Variants in OR2T35 observed in about 807,000 individuals in gnomAD.
OR2T35 encodes the protein olfactory receptor family 2 subfamily T member 35 (gene/pseudogene).
For synonymous variants in OR2T35, 18 were observed against 110.2 expected (o/e 0.16, Z 5.24); for missense variants, 47 against 278.8 (o/e 0.17, Z 5.92).
At chr1:248,644,689 TTATG>T (rs1307714748) in intron 1 of OR2T35, among the ~76,000 whole-genome samples, 1 of 132,398 alleles carries the variant, frequency 7.6e-6, no homozygotes, top group Non-Finnish European at 1.6e-5. Context: ...AATAAGGTAC[TTATG>T]AAAGATCCAC....
intron 1 of OR2T35, among the ~76,000 whole-genome samples, chr1:248,642,248 GAAA>G (rs1558177603): frequency 4.1e-5 from 4 of 97,360 alleles, no homozygotes; most frequent in African/African-American, 1.2e-4. Context: ...AAAAGAAAAA[GAAA>G]AAGCTTTTAT....
chr1:248,644,969 T>C (rs1407170857), intron 1 of OR2T35, among the ~76,000 whole-genome samples: 15 of 59,584 alleles, frequency 2.5e-4, no homozygotes, highest in African/African-American at 6.5e-4. Context: ...AATTACATAC[T>C]GCCTTAGTTA....
In OR2T35 at chr1:248,638,226, T is replaced by G; in HGVS notation, c.*61A>C. ...TGATCAGTCACCACCCCTGATGCTCTGGGAGTCCCCGCTAATCCTTCCCGA... is the reference window on the plus strand; with the variant it reads ...TGATCAGTCACCACCCCTGATGCTCGGGGAGTCCCCGCTAATCCTTCCCGA... On this transcript the variant is annotated 3_prime_UTR_variant, in exon 2 of 2. Transcript: ENST00000641268. 2.1e-6 allele frequency: 2 copies of G among 966,580 alleles called. No individual in the cohort carries two copies. Among genetic ancestry groups the G allele is most frequent in the Non-Finnish European group, 3.3e-6 (2 of 604,352 alleles). 59.9% of individuals were successfully genotyped at this position (966,580 alleles called of 1,614,324 possible).
rs1450885612 is a variant in OR2T35, at chr1:248,645,259, G to T, written c.-35C>A. 4.1e-5 allele frequency: 5 copies of T among 123,362 alleles called. No homozygotes were observed. The East Asian group carries it at 1.3e-3, about 33-fold the overall frequency. The allele number at this position is 123,362 out of a possible 1,614,324, so 7.6% of individuals were successfully genotyped here. ...CATGCCAACTTACCTAAACTACATT[G>T]TCAAGGATATCACCAATGGACTAGA... On this transcript the variant is annotated 5_prime_UTR_variant, in exon 1 of 2. Coordinates refer to ENST00000641268, the MANE Select transcript of OR2T35 (RefSeq NM_001001827.2).
In OR2T35 at chr1:248,638,634, TAAGCAGCATCAGCACG is replaced by T. The variant is rs1258041778; in HGVS notation, c.609_624del (p.Cys203Ter). The T allele has an allele frequency of 6.7e-7, 1 of 1,493,908 alleles. No individual in the cohort carries two copies. Among genetic ancestry groups the T allele is most frequent in the Admixed American group, 2.0e-5 (1 of 51,020 alleles). The allele number at this position is 1,493,908 out of a possible 1,614,324, so 92.5% of individuals were successfully genotyped here. On this transcript the variant is annotated frameshift_variant, in exon 2 of 2. Transcript: ENST00000641268. LOFTEE classifies it low-confidence loss of function (END_TRUNC). ...GACACAGAGATGACAGATAGAGGGATAAGCAGCATCAGCACGCAGCAGGCATACATCAGGGTCTCAT... is the reference window on the plus strand; with the variant it reads ...GACACAGAGATGACAGATAGAGGGATCAGCAGGCATACATCAGGGTCTCAT...
intron 1 of OR2T35, among the ~76,000 whole-genome samples, chr1:248,644,105 C>CA (rs1394008623): frequency 3.6e-5 from 1 of 28,092 alleles, no homozygotes; most frequent in Non-Finnish European, 1.4e-4. Flanking sequence ...CCACACTACT[C>CA]AAAATGGTGG....
intron 1 of OR2T35, among the ~76,000 whole-genome samples, chr1:248,642,437 C>T (rs1353202219): frequency 2.5e-4 from 22 of 88,292 alleles, no homozygotes; most frequent in African/African-American, 5.3e-4. Flanking sequence ...AGGTGGAGGA[C>T]ACCAAGCACA....
At chr1:248,644,480 G>C (rs1187824330) in intron 1 of OR2T35, among the ~76,000 whole-genome samples, 1 of 124,846 alleles carries the variant, frequency 8.0e-6, no homozygotes. Context: ...ATGTCAAAAG[G>C]CTCGAAAATG....
rs4916096 is a variant in OR2T35 at position 248,638,700 on chromosome 1, A to T, written c.559T>A (p.Leu187Met). The T allele has an allele frequency of 3.7e-6, 5 of 1,343,912 alleles. 1 individual carries two copies. The Middle Eastern group carries it at 5.3e-4, about 143-fold the overall frequency. 83.2% of individuals were successfully genotyped at this position (1,343,912 alleles called of 1,614,324 possible). Residue 187 changes from leucine (L) to methionine (M), a missense_variant, in exon 2 of 2, where the codon TTG (leucine) becomes ATG (methionine). Transcript: ENST00000641268. Reference sequence around the variant, plus strand: ...TAGAGTGACGTGTCTGTGCAAGACAACTTCAGCACGGCTGGGATCTCACAG... The same window carrying T: ...TAGAGTGACGTGTCTGTGCAAGACATCTTCAGCACGGCTGGGATCTCACAG... The part of the protein sequence containing the change: ...FFCEIPAVLK[L>M]SCTDTSLYET...
In OR2T35 at chr1:248,638,178, C is replaced by T; in HGVS notation, c.*109G>A. On this transcript the variant is annotated 3_prime_UTR_variant, in exon 2 of 2. Coordinates refer to ENST00000641268, the MANE Select transcript of OR2T35 (RefSeq NM_001001827.2). ...TTGGCCGCAGCACCGCAGATGTTTG[C>T]ACTAGTCCCTGCTAGTCCTTCCTGA... 1 of 824,142 alleles carries T rather than the reference C, an allele frequency of 1.2e-6. No homozygotes were observed. The highest frequency in any genetic ancestry group is 1.9e-6 in the Non-Finnish European group (1 of 526,294). The allele number at this position is 824,142 out of a possible 1,614,324, so 51.1% of individuals were successfully genotyped here. A position where few individuals can be genotyped will look rare whatever the true frequency, so the allele number is the denominator to read the frequency against.
At position 248,645,248 on chromosome 1, in the gene OR2T35, TAA is replaced by T. The variant is rs1572110199; in HGVS notation, c.-26_-25del. 7 of 122,590 alleles carry T rather than the reference TAA, an allele frequency of 5.7e-5. 1 individual carries two copies. The East Asian group carries it at 1.4e-3, about 24-fold the overall frequency. 7.6% of individuals were successfully genotyped at this position (122,590 alleles called of 1,614,324 possible). Reference sequence around the variant, plus strand: ...TTTTAATGCTACATGCCAACTTACCTAAACTACATTGTCAAGGATATCACCAA... The same window carrying T: ...TTTTAATGCTACATGCCAACTTACCTACTACATTGTCAAGGATATCACCAA... On this transcript the variant is annotated splice_region_variant and 5_prime_UTR_variant, in exon 1 of 2. Coordinates refer to ENST00000641268, the MANE Select transcript of OR2T35 (RefSeq NM_001001827.2).
chr1:248,639,468 TTCA>T (rs1350038552), intron 1 of OR2T35, among the ~76,000 whole-genome samples, 188 bp from the exon 2 acceptor site: 7 of 151,774 alleles, frequency 4.6e-5, no homozygotes, highest in African/African-American at 1.7e-4. Context: ...TCAACTCAAT[TTCA>T]TCATCTGTGA....
At chr1:248,644,528 GAGTCC>G (rs1210134647) in intron 1 of OR2T35, among the ~76,000 whole-genome samples, 1 of 138,226 alleles carries the variant, frequency 7.2e-6, no homozygotes, top group Non-Finnish European at 1.6e-5. Flanking sequence ...AGAGAGGGGA[GAGTCC>G]AGTCTAACTA....
At position 248,638,625 on chromosome 1, in the gene OR2T35, A is replaced by C; in HGVS notation, c.634T>G (p.Ser212Ala). The change falls in exon 2 of 2, where the codon TCT becomes GCT. Residue 212 changes from serine to alanine, a missense_variant. Physicochemically the swap from Ser to Ala is moderately conservative, Grantham distance 99 (BLOSUM62 1). Coordinates refer to ENST00000641268, the MANE Select transcript of OR2T35 (RefSeq NM_001001827.2). ...TGCGTGTAGGACACAGAGATGACAG[A>C]TAGAGGGATAAGCAGCATCAGCACG... The part of the protein sequence containing the change: ...CCVLMLLIPL[S>A]VISVSYTHIL... The C allele has an allele frequency of 6.6e-7, 1 of 1,519,872 alleles. No individual in the cohort carries two copies. Among genetic ancestry groups the C allele is most frequent in the South Asian group, 1.1e-5 (1 of 88,114 alleles). 94.1% of individuals were successfully genotyped at this position (1,519,872 alleles called of 1,614,324 possible).
intron 1 of OR2T35, among the ~76,000 whole-genome samples, 167 bp downstream of exon 1, chr1:248,645,080 G>A (rs73142437): frequency 0.15 from 19,338 of 127,662 alleles, 1,141 homozygotes; most frequent in African/African-American, 0.21. Context: ...GAAATTTTCA[G>A]TGTGGAAAGT....
intron 1 of OR2T35, 43 bp downstream of exon 1, chr1:248,645,204 T>TCAG (rs1272318263): frequency 7.7e-6 from 1 of 129,934 alleles, no homozygotes; most frequent in Non-Finnish European, 1.7e-5. Flanking sequence ...AGAAATTAGT[T>TCAG]CAGTTTGATG....
intron 1 of OR2T35, among the ~76,000 whole-genome samples, chr1:248,643,356 TTA>T (rs1458063922): frequency 4.0e-5 from 1 of 24,936 alleles, no homozygotes; most frequent in African/African-American, 1.7e-4. Context: ...TGATTAAAGC[TTA>T]TGAGAGAAGA....
chr1:248,643,930 G>A lies in OR2T35; in HGVS notation c.-23+1317C>T, dbSNP rs1276167702. Among the ~76,000 whole-genome samples, 8 of 56,982 alleles carry A rather than the reference G, an allele frequency of 1.4e-4. 1 individual carries two copies. Among genetic ancestry groups the A allele is most frequent in the African/African-American group, 2.9e-4 (6 of 20,700 alleles). 37.4% of individuals were successfully genotyped at this position (56,982 alleles called of 152,430 possible). A position where few individuals can be genotyped will look rare whatever the true frequency, so the allele number is the denominator to read the frequency against. On this transcript the variant is annotated intron_variant, in intron 1 of 1. Coordinates refer to ENST00000641268, the MANE Select transcript of OR2T35 (RefSeq NM_001001827.2). ...AGCCTCTCTTTGGCACATCTAAATC[G>A]CCAGCTTCACTAACTCCATCTCTTT...
chr1:248,642,216 C>CAAAAAAAAAAAAAAAAAAAAAAAAAAAA (rs61189391), intron 1 of OR2T35, among the ~76,000 whole-genome samples: 1 of 53,660 alleles, frequency 1.9e-5, no homozygotes, highest in African/African-American at 4.0e-5. Flanking sequence ...CTAGTCTTTC[C>CAAAAAAAAAAAAAAAAAAAAAAAAAAAA]AAAAAAAAAA....
Sources: gnomAD v4.1 joint callset for allele counts (sites outside exome capture counted in the v4.1 genomes callset) on GRCh38, gnomAD v4.1.1 for gene constraint, MANE v1.5 for transcripts, NCBI Gene and HGNC (gene_info 2026-07-23, HGNC 2026-07-21) for gene names.